The following PKNOX2 variants were observed in gnomAD, a reference collection of about 807,000 sequenced individuals.
The protein encoded by PKNOX2 is homeobox protein PKNOX2.
In PKNOX2, 14 loss-of-function variants were observed where a neutral mutation model predicts 53.1. The ratio of observed to expected loss-of-function variants is 0.26; its 90% confidence interval spans 0.17 to 0.41. The LOEUF (loss-of-function observed/expected upper bound fraction) is 0.41, where lower values mean the gene tolerates loss of function less well. Among genes scored for constraint, PKNOX2 ranks in the 10% least tolerant of loss-of-function variants. PKNOX2 has a pLI of 1.00. For synonymous variants in PKNOX2, 257 were observed against 242.8 expected, an observed-to-expected ratio of 1.06 and a Z score of -0.54; for missense variants, 496 against 602.8, an observed-to-expected ratio of 0.82 and a Z score of 1.85.
At chr11:125,248,563 C>T (rs1040746271) in intron 2 of PKNOX2, among the ~76,000 whole-genome samples, 3 of 150,524 alleles carry the variant, frequency 2.0e-5, no homozygotes, top group African/African-American at 7.3e-5. Context: ...AGTAGTGTGG[C>T]TTATATGCAA....
rs573807316 is a variant in PKNOX2 at position 125,219,393 on chromosome 11, A to C, written c.-200-15652A>C. On this transcript the variant is annotated intron_variant, in intron 1 of 12. Coordinates refer to ENST00000298282, the MANE Select transcript of PKNOX2 (RefSeq NM_001382323.2). Reference sequence around the variant, plus strand: ...GCAGAGGTTGCAGTGAGCCAAGATCACGCCATTGCATTCTAGCCTGGGCAA... The same window carrying C: ...GCAGAGGTTGCAGTGAGCCAAGATCCCGCCATTGCATTCTAGCCTGGGCAA... 1.3e-4 allele frequency among the ~76,000 whole-genome samples: 20 copies of C among 152,080 alleles called. No homozygotes were observed. In the South Asian group the frequency reaches 2.7e-3, roughly 21 times the overall value.
At chr11:125,379,142 C>A (rs1238956404) in intron 5 of PKNOX2, among the ~76,000 whole-genome samples, 1 of 151,580 alleles carries the variant, frequency 6.6e-6, no homozygotes, top group Non-Finnish European at 1.5e-5. Context: ...CTCACTGCGA[C>A]CTCCACCTCC....
intron 1 of PKNOX2, among the ~76,000 whole-genome samples, chr11:125,180,094 C>G (rs760798788): frequency 1.3e-5 from 2 of 152,172 alleles, no homozygotes; most frequent in Non-Finnish European, 2.9e-5. Context: ...TGAGGGCCCC[C>G]GCGTGTACTG....
At chr11:125,345,314 A>G (rs1950911390) in intron 3 of PKNOX2, among the ~76,000 whole-genome samples, 1 of 151,936 alleles carries the variant, frequency 6.6e-6, no homozygotes, top group South Asian at 2.1e-4. Context: ...GAGGTGACAA[A>G]CCCCTGCTCA....
chr11:125,317,588 T>C (rs1038706610), intron 2 of PKNOX2, among the ~76,000 whole-genome samples: 2 of 152,222 alleles, frequency 1.3e-5, no homozygotes, highest in African/African-American at 4.8e-5. Flanking sequence ...CAATGACTGG[T>C]AACATTTTGA....
At chr11:125,200,783 G>A (rs906986701) in intron 1 of PKNOX2, among the ~76,000 whole-genome samples, 10 of 152,318 alleles carry the variant, frequency 6.6e-5, no homozygotes, top group Admixed American at 3.9e-4. Flanking sequence ...TGGGTTGACC[G>A]TCACTGCATC....
intron 1 of PKNOX2, among the ~76,000 whole-genome samples, chr11:125,218,166 CTG>C (rs928968991): frequency 3.3e-5 from 5 of 151,988 alleles, no homozygotes; most frequent in African/African-American, 1.2e-4. Flanking sequence ...GAGGGGGCAT[CTG>C]TGGGAACAAA....
chr11:125,426,869 A>C (rs1956454820), intron 10 of PKNOX2, among the ~76,000 whole-genome samples: 1 of 152,210 alleles, frequency 6.6e-6, no homozygotes, highest in Non-Finnish European at 1.5e-5. Context: ...CACGGTGACC[A>C]GCTTTGCCTC....
chr11:125,356,328 G>A (rs751077735), intron 4 of PKNOX2, among the ~76,000 whole-genome samples: 27 of 152,176 alleles, frequency 1.8e-4, no homozygotes, highest in Non-Finnish European at 3.2e-4. Context: ...AGGGGCTTAC[G>A]TAGCATGACT....
At chr11:125,430,425 A>G (rs1222470405) in intron 12 of PKNOX2, among the ~76,000 whole-genome samples, 1 of 152,176 alleles carries the variant, frequency 6.6e-6, no homozygotes, top group Non-Finnish European at 1.5e-5. Flanking sequence ...TGAGTTCCTT[A>G]GCACCAGTAA....
intron 5 of PKNOX2, among the ~76,000 whole-genome samples, chr11:125,372,133 G>T (rs1482975971): frequency 6.6e-6 from 1 of 152,128 alleles, no homozygotes; most frequent in East Asian, 1.9e-4. Flanking sequence ...TGGTTAGGGA[G>T]CACCCCATAA....
intron 10 of PKNOX2, among the ~76,000 whole-genome samples, chr11:125,428,390 T>TAACAATAC (rs765941657): frequency 3.3e-5 from 5 of 152,150 alleles, no homozygotes; most frequent in African/African-American, 9.7e-5. Context: ...AAAGTGGGAA[T>TAACAATAC]AACAATACCT....
rs1300189923 is a variant in PKNOX2 at position 125,380,402 on chromosome 11, G to A, written c.228-5149G>A. On this transcript the variant is annotated intron_variant, in intron 5 of 12. Coordinates refer to ENST00000298282, the MANE Select transcript of PKNOX2 (RefSeq NM_001382323.2). ...ACGGCTTAAGAGAGATTGGGGTGGAGGGGGCGGTCGGGAGGGAGGCGACAT... is the reference window on the plus strand; with the variant it reads ...ACGGCTTAAGAGAGATTGGGGTGGAAGGGGCGGTCGGGAGGGAGGCGACAT... 2.6e-5 allele frequency among the ~76,000 whole-genome samples: 4 copies of A among 152,140 alleles called. No homozygotes were observed. In the East Asian group the frequency reaches 7.7e-4, roughly 29 times the overall value.
intron 1 of PKNOX2, among the ~76,000 whole-genome samples, chr11:125,195,687 G>T (rs1448548488): frequency 6.6e-6 from 1 of 152,128 alleles, no homozygotes; most frequent in Admixed American, 6.5e-5. Context: ...TGGGGCAAGG[G>T]TCTCCTTTTT....
At chr11:125,373,502 A>G (rs1051263218) in intron 5 of PKNOX2, among the ~76,000 whole-genome samples, 4 of 152,332 alleles carry the variant, frequency 2.6e-5, no homozygotes, top group Admixed American at 2.0e-4. Context: ...CTAGATTGTC[A>G]TGAGGTTTAA....
chr11:125,383,989 G>A (rs1323077643), intron 5 of PKNOX2, among the ~76,000 whole-genome samples: 1 of 152,126 alleles, frequency 6.6e-6, no homozygotes, highest in Non-Finnish European at 1.5e-5. Context: ...ATAGTTCCAG[G>A]AGCCTGGGGA....
intron 2 of PKNOX2, among the ~76,000 whole-genome samples, chr11:125,278,484 C>T (rs536971010): frequency 3.3e-5 from 5 of 152,130 alleles, no homozygotes; most frequent in Admixed American, 6.5e-5. Flanking sequence ...TCAGCTAGGA[C>T]CCTCAGACTC....
rs1017691245 is a variant in PKNOX2 at position 125,433,360 on chromosome 11, G to A, written c.*1968G>A. The A allele has an allele frequency of 3.3e-5, 5 of 152,640 alleles. No homozygotes were observed. The highest frequency in any genetic ancestry group is 1.2e-4 in the African/African-American group (5 of 41,444). 9.5% of individuals were successfully genotyped at this position (152,640 alleles called of 1,614,324 possible). On this transcript the variant is annotated 3_prime_UTR_variant, in exon 13 of 13. Coordinates refer to ENST00000298282, the MANE Select transcript of PKNOX2 (RefSeq NM_001382323.2). Reference sequence around the variant, plus strand: ...AACCAGTACTGAATGTGGCCGAGACGTTTTCAGTAAATCTTATTACCTACC... The same window carrying A: ...AACCAGTACTGAATGTGGCCGAGACATTTTCAGTAAATCTTATTACCTACC...
intron 1 of PKNOX2, among the ~76,000 whole-genome samples, chr11:125,195,917 ACACAC>A (rs1937628777): frequency 6.9e-6 from 1 of 143,968 alleles, no homozygotes; most frequent in African/African-American, 2.7e-5. Context: ...ACACACACAC[ACACAC>A]AATTCATTGA....
Sources: gnomAD v4.1 joint callset for allele counts (sites outside exome capture counted in the v4.1 genomes callset) on GRCh38, gnomAD v4.1.1 for gene constraint, MANE v1.5 for transcripts, NCBI Gene and HGNC (gene_info 2026-07-23, HGNC 2026-07-21) for gene names.